The following TFDP1 variants were observed in gnomAD, a reference collection of about 807,000 sequenced individuals.
TFDP1 encodes the protein transcription factor Dp-1, also known as DRTF1-polypeptide 1.
In TFDP1, 6 loss-of-function variants were observed where a neutral mutation model predicts 48.0. The ratio of observed to expected loss-of-function variants is 0.13; its 90% CI spans 0.07 to 0.25. TFDP1 has a LOEUF of 0.25. TFDP1 is among the 10% of genes least tolerant of loss of function. The probability of loss-of-function intolerance (pLI) is 1.00; values close to 1 mark genes in which losing one functional copy is unlikely to be tolerated. For missense variants in TFDP1, 335 were observed against 543.0 expected, an observed-to-expected ratio of 0.62 and a Z score of 3.81; for synonymous variants, 201 against 211.6, an observed-to-expected ratio of 0.95 and a Z score of 0.44.
rs1315727012 is a variant in TFDP1, at chr13:113,584,763, G to C, written c.-190G>C. The stretch of plus-strand genomic sequence containing the variant: ...CCGCGTCCCGGCGCCACTCGGCCCA[G>C]GGCAGGGACCCCGCCACGGCCGGGA... On this transcript the variant is annotated 5_prime_UTR_variant, in exon 1 of 12. Coordinates refer to ENST00000375370, the MANE Select transcript of TFDP1 (RefSeq NM_007111.5). 6.8e-6 allele frequency: 1 copy of C among 146,486 alleles called. No individual in the cohort carries two copies. Among genetic ancestry groups the C allele is most frequent in the Non-Finnish European group, 1.5e-5 (1 of 65,900 alleles). The allele number at this position is 146,486 out of a possible 1,614,324, so 9.1% of individuals were successfully genotyped here.
intron 2 of TFDP1, among the ~76,000 whole-genome samples, chr13:113,604,624 A>G (rs1458675788): frequency 1.6e-5 from 2 of 126,390 alleles, no homozygotes; most frequent in African/African-American, 3.1e-5. Context: ...TCCTGTTGAC[A>G]CGAGCACTGA....
chr13:113,619,473 A>T (rs2048942321), intron 3 of TFDP1, among the ~76,000 whole-genome samples: 2 of 149,822 alleles, frequency 1.3e-5, no homozygotes, highest in Non-Finnish European at 3.0e-5. Flanking sequence ...TCCATCTCAA[A>T]AAAAAAACAA....
chr13:113,631,837 C>A, intron 5 of TFDP1, 93 bp downstream of exon 5: 1 of 1,520,608 alleles, frequency 6.6e-7, no homozygotes, highest in Non-Finnish European at 8.9e-7. Context: ...CACAGTCGTG[C>A]GATGGGGCTC....
chr13:113,585,978 T>C, intron 2 of TFDP1, 129 bp downstream of exon 2: 2 of 1,101,712 alleles, frequency 1.8e-6, no homozygotes. Flanking sequence ...TTTTAAAGCG[T>C]CTGAAGCGGG....
intron 2 of TFDP1, among the ~76,000 whole-genome samples, chr13:113,590,173 G>T (rs1408920323): frequency 6.6e-6 from 1 of 152,206 alleles, no homozygotes; most frequent in Admixed American, 6.5e-5. Context: ...AGAGAACGTG[G>T]CTGTGGACGT....
rs563731709 is a variant in TFDP1 at position 113,602,984 on chromosome 13, A to C, written c.13-8012A>C. Among the ~76,000 whole-genome samples, 8 of 140,004 alleles carry C rather than the reference A, an allele frequency of 5.7e-5. 1 individual carries two copies. In the South Asian group the frequency reaches 1.8e-3, roughly 31 times the overall value. 91.8% of individuals were successfully genotyped at this position (140,004 alleles called of 152,430 possible). ...AATAGTTGAGCTAAAAAAAAAAAAA[A>C]AACGTATAATTTACAAATTTGTGTT... On this transcript the variant is annotated intron_variant, in intron 2 of 11. Coordinates refer to ENST00000375370, the MANE Select transcript of TFDP1 (RefSeq NM_007111.5).
chr13:113,609,825 G>C (rs72668790), intron 2 of TFDP1, among the ~76,000 whole-genome samples: 1 of 152,244 alleles, frequency 6.6e-6, no homozygotes, highest in Non-Finnish European at 1.5e-5. Context: ...CCTGAGGTGC[G>C]TGGCCTCCTG....
chr13:113,585,722 T>A, intron 1 of TFDP1, 52 bp from the exon 2 acceptor site: 1 of 1,156,968 alleles, frequency 8.6e-7, no homozygotes. Context: ...ACTTCGTTTT[T>A]CATTCTTACT....
Position 113,597,832 on chromosome 13 carries a change from C to T in TFDP1, c.12+11983C>T, listed in dbSNP as rs1594420695. ...GCTCAGGAGCCAGCATCCAGACACG[C>T]TGGGGACTCTGCGGCCTCTGTCTTT... On this transcript the variant is annotated intron_variant, in intron 2 of 11. Coordinates refer to ENST00000375370, the MANE Select transcript of TFDP1 (RefSeq NM_007111.5). Among the ~76,000 whole-genome samples the T allele has an allele frequency of 9.2e-5, 14 of 152,310 alleles. No homozygotes were observed. The South Asian group carries it at 2.9e-3, about 32-fold the overall frequency.
At position 113,623,732 on chromosome 13, in the gene TFDP1, C is replaced by T. The variant is rs775272823; in HGVS notation, c.186+446C>T. Among the ~76,000 whole-genome samples, 3 of 152,204 alleles carry T rather than the reference C, an allele frequency of 2.0e-5. No individual in the cohort carries two copies. Among genetic ancestry groups the T allele is most frequent in the Non-Finnish European group, 4.4e-5 (3 of 68,028 alleles). ...CCTGGCCGTGGCTGTGCGTTTGCCC[C>T]GGGGCAGTGACAGGGCAGATGCTGC... On this transcript the variant is annotated intron_variant, in intron 4 of 11. Transcript: ENST00000375370. This position sits in a 1 kb window ranked among gnomAD's most constrained non-coding sequence, Gnocchi z 5.2.
Position 113,611,089 on chromosome 13 carries a change from C to A in TFDP1, c.79+27C>A, listed in dbSNP as rs766786785. The A allele has an allele frequency of 2.5e-6, 4 of 1,593,756 alleles. No individual in the cohort carries two copies. In the African/African-American group the frequency reaches 4.0e-5, roughly 16 times the overall value. On this transcript the variant is annotated intron_variant, in intron 3 of 11. Coordinates refer to ENST00000375370, the MANE Select transcript of TFDP1 (RefSeq NM_007111.5). Reference sequence around the variant, plus strand: ...TAAGGGCACCTGTTCTGGACACACTCTTGTGTTGATGAATGCATGAAGCTT... The same window carrying A: ...TAAGGGCACCTGTTCTGGACACACTATTGTGTTGATGAATGCATGAAGCTT...
intron 4 of TFDP1, among the ~76,000 whole-genome samples, chr13:113,629,716 G>A (rs1594520795): frequency 6.6e-6 from 1 of 152,178 alleles, no homozygotes; most frequent in East Asian, 1.9e-4. Context: ...GGTATTTTCA[G>A]CTCATGCGGG....
chr13:113,584,975 G>C (rs1395448502), intron 1 of TFDP1, 87 bp downstream of exon 1: 2 of 146,440 alleles, frequency 1.4e-5, no homozygotes, highest in African/African-American at 4.9e-5. Flanking sequence ...CCCTTGCCCC[G>C]GCCGCGTGTA....
intron 2 of TFDP1, among the ~76,000 whole-genome samples, chr13:113,599,160 T>C (rs1464055392): frequency 6.6e-6 from 1 of 152,066 alleles, no homozygotes; most frequent in Admixed American, 6.5e-5. Context: ...ACTCAACAGT[T>C]TGTCCTAGGT....
At chr13:113,614,917 G>A (rs959924890) in intron 3 of TFDP1, among the ~76,000 whole-genome samples, 2 of 152,162 alleles carry the variant, frequency 1.3e-5, no homozygotes, top group Admixed American at 6.5e-5. Context: ...CACCTGCATC[G>A]AGCACAGTCT....
At chr13:113,604,144 G>C (rs1204905716) in intron 2 of TFDP1, among the ~76,000 whole-genome samples, 2 of 137,686 alleles carry the variant, frequency 1.5e-5, no homozygotes, top group African/African-American at 5.7e-5. Flanking sequence ...ATGGGTGACA[G>C]AGTAACAGCC....
chr13:113,620,050 T>C (rs2048960442), intron 3 of TFDP1, among the ~76,000 whole-genome samples: 1 of 152,108 alleles, frequency 6.6e-6, no homozygotes, highest in Non-Finnish European at 1.5e-5. Context: ...CCTTCCTAAT[T>C]GTGAAAACCC....
chr13:113,629,946 T>A (rs1296642767), intron 4 of TFDP1, among the ~76,000 whole-genome samples: 1 of 152,210 alleles, frequency 6.6e-6, no homozygotes, highest in East Asian at 1.9e-4. Context: ...TCCAGCCCCC[T>A]GTACCTGTGC....
At chr13:113,606,938 G>A (rs1469316856) in intron 2 of TFDP1, among the ~76,000 whole-genome samples, 1 of 152,186 alleles carries the variant, frequency 6.6e-6, no homozygotes, top group Non-Finnish European at 1.5e-5. Flanking sequence ...CATGTTCCTA[G>A]TTGGAAATTA....
Sources: allele counts gnomAD v4.1 joint callset (sites outside exome capture counted in the v4.1 genomes callset), GRCh38; gene constraint gnomAD v4.1.1; non-coding constraint Gnocchi (gnomAD v3.1); transcripts MANE v1.5; gene names NCBI Gene and HGNC (gene_info 2026-07-23, HGNC 2026-07-21).